Variants in NPEPPS observed in about 807,000 individuals in gnomAD.
NPEPPS encodes the protein aminopeptidase puromycin sensitive.
In NPEPPS, 14 loss-of-function variants were observed where a neutral mutation model predicts 115.5. The observed-to-expected ratio is 0.12, with a 90% CI of 0.08 to 0.19. The LOEUF is 0.19. Ranked by LOEUF, NPEPPS falls within the 10% of genes least tolerant of loss-of-function variation. The pLI is 1.00. For missense variants in NPEPPS, 523 were observed against 1,110.8 expected (o/e 0.47, Z 7.52); for synonymous variants, 285 against 390.6 (o/e 0.73, Z 3.19).
intron 2 of NPEPPS, among the ~76,000 whole-genome samples, chr17:47,567,735 C>T (rs1276483688): frequency 5.9e-5 from 9 of 152,204 alleles, no homozygotes; most frequent in Non-Finnish European, 1.0e-4. Context: ...TATGAATCTA[C>T]TTTCAGCCTC....
At chr17:47,553,204 T>TA (rs911616609) in intron 2 of NPEPPS, among the ~76,000 whole-genome samples, 18 of 145,264 alleles carry the variant, frequency 1.2e-4, no homozygotes, top group South Asian at 2.2e-4. Context: ...TCGTCTCTAC[T>TA]AAAAAAAAAA....
rs537117865 is a variant in NPEPPS, at chr17:47,588,408, T to C, written c.1095+1064T>C. Among the ~76,000 whole-genome samples, 33 of 151,514 alleles carry C rather than the reference T, an allele frequency of 2.2e-4. 1 individual carries two copies. In the South Asian group the frequency reaches 6.1e-3, roughly 28 times the overall value. On this transcript the variant is annotated intron_variant, in intron 9 of 22. Transcript: ENST00000322157. The stretch of plus-strand genomic sequence containing the variant: ...GAAACCCCATCTCCACTAAAAAAAA[T>C]AGAAAATTAGCTGGGCGTGGTGGTG...
chr17:47,585,839 A>C (rs546117088), intron 6 of NPEPPS, 139 bp downstream of exon 6: 14 of 730,052 alleles, frequency 1.9e-5, no homozygotes, highest in African/African-American at 3.5e-5. Flanking sequence ...AGTAGAATTT[A>C]GGAAATGCCA....
chr17:47,618,214 T>A, intron 19 of NPEPPS, 136 bp from the exon 20 acceptor site: 2 of 609,718 alleles, frequency 3.3e-6, no homozygotes, highest in Non-Finnish European at 5.8e-6. Flanking sequence ...CTTTCTTTAA[T>A]ATAATGCCCT....
chr17:47,594,782 G>A (rs1402890203), intron 12 of NPEPPS, among the ~76,000 whole-genome samples: 2 of 151,706 alleles, frequency 1.3e-5, no homozygotes, highest in Admixed American at 1.3e-4. Flanking sequence ...ACAGGCGCCC[G>A]CCACCACGCC....
chr17:47,536,843 C>G (rs930036201), intron 1 of NPEPPS, among the ~76,000 whole-genome samples: 9 of 151,252 alleles, frequency 6.0e-5, no homozygotes, highest in African/African-American at 2.2e-4. Flanking sequence ...TCCAGAGTAG[C>G]TGGGATTACA....
At chr17:47,553,346 C>G (rs1194922979) in intron 2 of NPEPPS, among the ~76,000 whole-genome samples, 1 of 150,834 alleles carries the variant, frequency 6.6e-6, no homozygotes, top group Non-Finnish European at 1.5e-5. Flanking sequence ...GCACTCCAGC[C>G]TGGGGGACAA....
At chr17:47,526,438 G>A (rs1366378637), upstream of NPEPPS, among the ~76,000 whole-genome samples, 2 of 152,194 alleles carry the variant, frequency 1.3e-5, no homozygotes, top group Non-Finnish European at 2.9e-5. Flanking sequence ...CCTGAGCAAT[G>A]GTAGAGAAGA....
intron 14 of NPEPPS, among the ~76,000 whole-genome samples, chr17:47,600,814 G>C (rs1306854254): frequency 6.6e-6 from 1 of 152,056 alleles, no homozygotes; most frequent in Non-Finnish European, 1.5e-5. Flanking sequence ...CCTCTGTGAC[G>C]GAACATAACA....
rs1912568224 is a variant in NPEPPS, at chr17:47,592,503, A to T, written c.1384A>T (p.Asn462Tyr). Residue 462 changes from asparagine to tyrosine, a missense_variant, in exon 12 of 23, where the codon AAC becomes TAC. Physicochemically the swap from Asn to Tyr is moderately radical, Grantham distance 143. Coordinates refer to ENST00000322157, the MANE Select transcript of NPEPPS (RefSeq NM_006310.4). ...TTCTCAGGACTTTAAGAAAGGAATG[A>T]ACATGTATTTAACCAAGTTCCAACA... ...IGDKDFKKGM[N>Y]MYLTKFQQKN... 3 of 1,592,264 alleles carry T rather than the reference A, an allele frequency of 1.9e-6. No homozygotes were observed. The highest frequency in any genetic ancestry group is 2.6e-6 in the Non-Finnish European group (3 of 1,168,440).
At chr17:47,533,796 A>T (rs898998300) in intron 1 of NPEPPS, among the ~76,000 whole-genome samples, 9 of 152,156 alleles carry the variant, frequency 5.9e-5, no homozygotes, top group South Asian at 2.1e-4. Flanking sequence ...AAATAAATAA[A>T]AAATAAATAA....
At chr17:47,601,257 T>C (rs191727544) in intron 14 of NPEPPS, among the ~76,000 whole-genome samples, 6 of 152,078 alleles carry the variant, frequency 3.9e-5, no homozygotes, top group East Asian at 1.9e-4. Flanking sequence ...TACATACATA[T>C]ATATATATAT....
intron 2 of NPEPPS, among the ~76,000 whole-genome samples, chr17:47,560,192 T>A (rs1052259699): frequency 6.6e-6 from 1 of 151,736 alleles, no homozygotes; most frequent in African/African-American, 2.4e-5. Flanking sequence ...TATATACTCA[T>A]CTATTACCCA....
intron 17 of NPEPPS, among the ~76,000 whole-genome samples, chr17:47,607,993 C>T (rs1913616398): frequency 6.6e-6 from 1 of 152,044 alleles, no homozygotes; most frequent in Non-Finnish European, 1.5e-5. Flanking sequence ...TACAGGCATG[C>T]ACCATACCCA....
chr17:47,603,866 T>TA, intron 15 of NPEPPS, 49 bp from the exon 16 acceptor site: 1 of 1,532,340 alleles, frequency 6.5e-7, no homozygotes, highest in Non-Finnish European at 8.8e-7. Context: ...AAGGTTGATT[T>TA]AAAAAATTAA....
intron 3 of NPEPPS, among the ~76,000 whole-genome samples, chr17:47,569,908 C>T (rs181904721): frequency 1.0e-3 from 158 of 152,258 alleles, no homozygotes; most frequent in African/African-American, 3.5e-3. Context: ...CAGGAGCCAC[C>T]GCGCCCAGCC....
At chr17:47,547,230 A>G (rs1304302912) in intron 2 of NPEPPS, among the ~76,000 whole-genome samples, 3 of 152,224 alleles carry the variant, frequency 2.0e-5, no homozygotes, top group Non-Finnish European at 4.4e-5. Flanking sequence ...TTATAATTTT[A>G]GTATGAAAGT....
At chr17:47,617,716 A>C (rs568020786) in intron 19 of NPEPPS, among the ~76,000 whole-genome samples, 1 of 152,194 alleles carries the variant, frequency 6.6e-6, no homozygotes, top group Non-Finnish European at 1.5e-5. Context: ...AACATTAGCC[A>C]GATATCAATG....
chr17:47,556,364 A>G (rs933462203), intron 2 of NPEPPS, among the ~76,000 whole-genome samples: 13 of 151,974 alleles, frequency 8.6e-5, no homozygotes, highest in African/African-American at 2.9e-4. Flanking sequence ...CCCTGAGTGG[A>G]CACAGCACAT....
Sources: allele counts gnomAD v4.1 joint callset (sites outside exome capture counted in the v4.1 genomes callset), GRCh38; gene constraint gnomAD v4.1.1; transcripts MANE v1.5; gene names NCBI Gene and HGNC (gene_info 2026-07-23, HGNC 2026-07-21).